Variants in CCDC175 observed in about 807,000 individuals in gnomAD.
The protein encoded by CCDC175 is coiled-coil domain containing 175.
A neutral mutation model predicts 114.6 loss-of-function variants in CCDC175; 100 were observed. The ratio of observed to expected loss-of-function variants is 0.87; its 90% CI spans 0.74 to 1.03. CCDC175 has a LOEUF of 1.03. Among genes scored for constraint, CCDC175 ranks in the 50% least tolerant of loss-of-function variants. CCDC175 has a pLI of 0.00. For synonymous variants in CCDC175, 306 were observed against 308.7 expected, an observed-to-expected ratio of 0.99 and a Z score of 0.09; for missense variants, 880 against 917.8, an observed-to-expected ratio of 0.96 and a Z score of 0.53.
At chr14:59,575,871 G>C (rs539122969) in intron 1 of CCDC175, among the ~76,000 whole-genome samples, 21 of 152,160 alleles carry the variant, frequency 1.4e-4, no homozygotes, top group Non-Finnish European at 2.9e-4. Flanking sequence ...TTAACCTAGC[G>C]CATTTAAGAA....
intron 5 of CCDC175, chr14:59,564,327 G>GTTTC: frequency 1.3e-5 from 2 of 152,936 alleles, no homozygotes. Context: ...ATCAAAGACA[G>GTTTC]AGCAGCTTGT....
intron 17 of CCDC175, among the ~76,000 whole-genome samples, chr14:59,515,384 G>A (rs943085013): frequency 2.6e-4 from 39 of 152,294 alleles, no homozygotes; most frequent in African/African-American, 9.1e-4. Flanking sequence ...ATTGGATAAA[G>A]AGTTAAGACC....
At chr14:59,532,639 C>T (rs1046842339) in intron 13 of CCDC175, among the ~76,000 whole-genome samples, 1 of 152,110 alleles carries the variant, frequency 6.6e-6, no homozygotes, top group Admixed American at 6.6e-5. Context: ...TCATGTGTGC[C>T]ACTTCTGGGC....
At chr14:59,533,280 T>C (rs1894177062) in intron 13 of CCDC175, among the ~76,000 whole-genome samples, 1 of 152,210 alleles carries the variant, frequency 6.6e-6, no homozygotes, top group East Asian at 1.9e-4. Context: ...TTCCCATGGG[T>C]TATTTTTCCA....
intron 7 of CCDC175, among the ~76,000 whole-genome samples, chr14:59,558,496 C>T (rs759559190): frequency 6.6e-6 from 1 of 152,038 alleles, no homozygotes; most frequent in Non-Finnish European, 1.5e-5. Flanking sequence ...GGCAATAGGA[C>T]GTGACTTTGG....
At chr14:59,510,588 G>A (rs1182859000) in intron 19 of CCDC175, 58 bp downstream of exon 19, 1 of 1,493,716 alleles carries the variant, frequency 6.7e-7, no homozygotes, top group Non-Finnish European at 9.0e-7. Flanking sequence ...GATGTTACCA[G>A]CTATATAGTA....
intron 16 of CCDC175, among the ~76,000 whole-genome samples, chr14:59,524,372 C>T (rs1893613020): frequency 6.6e-6 from 1 of 152,042 alleles, no homozygotes; most frequent in Non-Finnish European, 1.5e-5. Flanking sequence ...AATTCCTCTG[C>T]TATAAAAAGA....
chr14:59,512,926 G>A (rs1318559299), intron 17 of CCDC175, among the ~76,000 whole-genome samples: 2 of 151,750 alleles, frequency 1.3e-5, no homozygotes, highest in South Asian at 4.2e-4. Flanking sequence ...CAAGCATACA[G>A]GTGAAGAATT....
At chr14:59,513,335 A>G (rs1015733114) in intron 17 of CCDC175, among the ~76,000 whole-genome samples, 1 of 152,148 alleles carries the variant, frequency 6.6e-6, no homozygotes, top group African/African-American at 2.4e-5. Flanking sequence ...CAGTGGGTGC[A>G]GTGCACCGAG....
chr14:59,569,376 T>C (rs1007876681), intron 3 of CCDC175, among the ~76,000 whole-genome samples: 3 of 152,204 alleles, frequency 2.0e-5, no homozygotes, highest in African/African-American at 7.2e-5. Flanking sequence ...AGAGATTCTG[T>C]ATTTTCTCAC....
At chr14:59,573,028 T>C (rs992054578) in intron 2 of CCDC175, among the ~76,000 whole-genome samples, 14 of 152,296 alleles carry the variant, frequency 9.2e-5, no homozygotes, top group Admixed American at 9.1e-4. Context: ...ATTGATTTTA[T>C]TCTACTGAGA....
In CCDC175 at chr14:59,505,197, T is replaced by C; in HGVS notation, c.*42A>G. 1 of 1,058,010 alleles carries C rather than the reference T, an allele frequency of 9.5e-7. No homozygotes were observed. The highest frequency in any genetic ancestry group is 1.3e-6 in the Non-Finnish European group (1 of 747,586). The allele number at this position is 1,058,010 out of a possible 1,614,324, so 65.5% of individuals were successfully genotyped here. ...AAAGTAAGTGCACTCACTTTTCCTG[T>C]AGTAGTCTGTCTTTTGAATTCACAG... is the stretch of plus-strand genomic sequence containing the variant. On this transcript the variant is annotated 3_prime_UTR_variant, in exon 20 of 20. Coordinates refer to ENST00000537690, the MANE Select transcript of CCDC175 (RefSeq NM_001164399.2).
intron 7 of CCDC175, among the ~76,000 whole-genome samples, chr14:59,560,214 C>T (rs1896147108): frequency 6.6e-6 from 1 of 152,006 alleles, no homozygotes; most frequent in African/African-American, 2.4e-5. Context: ...TTTTGAAAGA[C>T]CTATTATAAT....
rs368882853 is a variant in CCDC175, at chr14:59,576,650, C to A, written c.126G>T (p.Ala42=). Residue 42 remains alanine (A), a synonymous_variant, in exon 1 of 20, where the codon GCG becomes GCT. Coordinates refer to ENST00000537690, the MANE Select transcript of CCDC175 (RefSeq NM_001164399.2). ...TLPSTLGSSV[A]VEALEQLFVV... ...CAAACAGCTGCTCCAGCGCCTCGAC[C>A]GCGACCGAGGAGCCCAGGGTGGAGG... 4.3e-5 allele frequency: 63 copies of A among 1,472,744 alleles called. 5 individuals carry two copies. The highest frequency in any genetic ancestry group is 3.0e-4 in the Admixed American group (12 of 39,564). 91.2% of individuals were successfully genotyped at this position (1,472,744 alleles called of 1,614,324 possible). A position where few individuals can be genotyped will look rare whatever the true frequency, so the allele number is the denominator to read the frequency against.
At chr14:59,516,149 C>G (rs1186600062) in intron 17 of CCDC175, among the ~76,000 whole-genome samples, 2 of 152,328 alleles carry the variant, frequency 1.3e-5, no homozygotes, top group African/African-American at 2.4e-5. Flanking sequence ...ACCAGAATCT[C>G]TGGGACACAT....
intron 7 of CCDC175, among the ~76,000 whole-genome samples, chr14:59,553,133 C>G (rs374355291): frequency 6.6e-6 from 1 of 152,034 alleles, no homozygotes; most frequent in African/African-American, 2.4e-5. Context: ...GATACTCCTC[C>G]AGAAGAGCAA....
At chr14:59,573,731 G>C (rs1165290969) in intron 2 of CCDC175, among the ~76,000 whole-genome samples, 1 of 150,922 alleles carries the variant, frequency 6.6e-6, no homozygotes, top group East Asian at 2.0e-4. Context: ...TCTCCTACAA[G>C]CCTCCCAAGT....
rs560313647 is a variant in CCDC175, at chr14:59,563,846, T to C, written c.734A>G (p.Glu245Gly). The change falls in exon 6 of 20, where the codon GAA (glutamate) becomes GGA (glycine). Residue 245 changes from glutamate (E) to glycine (G), a missense_variant. Transcript: ENST00000537690. Reference protein sequence around the residue: ...QELTAQINEFENTREVKRMET... With the variant: ...QELTAQINEFGNTREVKRMET... ...CATTCTCTTTACTTCACGGGTATTTTCAAATTCATTAATCTATAGTGACAA... is the reference window on the plus strand; with the variant it reads ...CATTCTCTTTACTTCACGGGTATTTCCAAATTCATTAATCTATAGTGACAA... 1.5e-5 allele frequency: 22 copies of C among 1,438,228 alleles called. 2 individuals are homozygous for C. The highest frequency in any genetic ancestry group is 2.2e-4 in the Middle Eastern group (1 of 4,552). The allele number at this position is 1,438,228 out of a possible 1,614,324, so 89.1% of individuals were successfully genotyped here.
At chr14:59,526,674 G>A (rs1342838889) in intron 15 of CCDC175, among the ~76,000 whole-genome samples, 2 of 151,912 alleles carry the variant, frequency 1.3e-5, no homozygotes, top group East Asian at 3.9e-4. Context: ...ATTTTAAAAA[G>A]GCACTAAACA....
Sources: allele counts gnomAD v4.1 joint callset (sites outside exome capture counted in the v4.1 genomes callset), GRCh38; gene constraint gnomAD v4.1.1; transcripts MANE v1.5; gene names NCBI Gene and HGNC (gene_info 2026-07-23, HGNC 2026-07-21).